BMERB1: variants seen among roughly 807,000 people sequenced by gnomAD.
BMERB1 encodes bMERB domain containing 1.
A neutral mutation model predicts 23.6 loss-of-function variants in BMERB1; 12 were observed. That is an observed-to-expected ratio of 0.51 (90% CI 0.33 to 0.82). The LOEUF is 0.82. Among genes scored for constraint, BMERB1 ranks in the 40% least tolerant of loss-of-function variants. The probability of loss-of-function intolerance (pLI) is 0.03; values close to 1 mark genes in which losing one functional copy is unlikely to be tolerated. For synonymous variants in BMERB1, 122 were observed against 96.6 expected (o/e 1.26, Z -1.54); for missense variants, 247 against 255.4 (o/e 0.97, Z 0.22).
intron 1 of BMERB1, among the ~76,000 whole-genome samples, chr16:15,473,057 G>A (rs1176346822): frequency 6.6e-6 from 1 of 151,746 alleles, no homozygotes; most frequent in East Asian, 1.9e-4. Flanking sequence ...ATGAGGTTTC[G>A]CCATGTTGGC....
At chr16:15,497,916 A>G (rs916634400) in intron 1 of BMERB1, among the ~76,000 whole-genome samples, 4 of 152,152 alleles carry the variant, frequency 2.6e-5, no homozygotes, top group East Asian at 3.9e-4. Context: ...AGAGCACTCA[A>G]TGCATATCTC....
intron 2 of BMERB1, among the ~76,000 whole-genome samples, chr16:15,517,672 C>T (rs1456124989): frequency 1.6e-5 from 2 of 125,346 alleles, no homozygotes; most frequent in African/African-American, 6.8e-5. Flanking sequence ...TTTTATTTAC[C>T]TAATGGTGCT....
At chr16:15,577,683 GTC>G (rs1162462398) in intron 3 of BMERB1, among the ~76,000 whole-genome samples, 2 of 152,182 alleles carry the variant, frequency 1.3e-5, no homozygotes, top group Non-Finnish European at 2.9e-5. Context: ...AGGGTTTTAT[GTC>G]TCTCCTCCCT....
chr16:15,467,148 G>A (rs1358730569), intron 1 of BMERB1, among the ~76,000 whole-genome samples: 1 of 152,138 alleles, frequency 6.6e-6, no homozygotes, highest in East Asian at 1.9e-4. Flanking sequence ...ATGCTGCTAT[G>A]AATACTCTTA....
Position 15,469,019 on chromosome 16 carries a change from G to A in BMERB1, c.106+34260G>A, listed in dbSNP as rs946329225. On this transcript the variant is annotated intron_variant, in intron 1 of 5. Coordinates refer to ENST00000300006, the MANE Select transcript of BMERB1 (RefSeq NM_033201.3). The stretch of plus-strand genomic sequence containing the variant: ...TCCTTGCTGTGTTGCCCAGGCTGGA[G>A]TCCGGTGGTGCAGTCACAGCTCACT... Among the ~76,000 whole-genome samples, 8 of 147,722 alleles carry A rather than the reference G, an allele frequency of 5.4e-5. No homozygotes were observed. In the Admixed American group the frequency reaches 5.5e-4, roughly 10 times the overall value.
chr16:15,520,720 C>G (rs1273453203), intron 2 of BMERB1, among the ~76,000 whole-genome samples: 14 of 152,100 alleles, frequency 9.2e-5, no homozygotes, highest in Admixed American at 9.2e-4. Context: ...ATCTCCTGAC[C>G]TCGTGATCCT....
At chr16:15,479,885 G>A (rs932604360) in intron 1 of BMERB1, among the ~76,000 whole-genome samples, 3 of 151,494 alleles carry the variant, frequency 2.0e-5, no homozygotes, top group Non-Finnish European at 2.9e-5. Flanking sequence ...GATTGAGAAT[G>A]AAGTGAGCCA....
At chr16:15,448,683 T>C (rs942912034) in intron 1 of BMERB1, among the ~76,000 whole-genome samples, 2 of 152,092 alleles carry the variant, frequency 1.3e-5, no homozygotes, top group African/African-American at 4.8e-5. Flanking sequence ...TTCCAGCTAC[T>C]CAGGAGGCTG....
chr16:15,475,423 A>G (rs777730866), intron 1 of BMERB1, among the ~76,000 whole-genome samples: 1 of 152,102 alleles, frequency 6.6e-6, no homozygotes, highest in Non-Finnish European at 1.5e-5. Flanking sequence ...GACTCACAGA[A>G]CTCCCTGAAA....
chr16:15,547,998 A>G (rs889891058), intron 2 of BMERB1, among the ~76,000 whole-genome samples: 1 of 151,966 alleles, frequency 6.6e-6, no homozygotes, highest in African/African-American at 2.4e-5. Flanking sequence ...TAGGGTGTAA[A>G]AGGTGCATGG....
chr16:15,571,163 C>T (rs1051802928), intron 3 of BMERB1, among the ~76,000 whole-genome samples: 3 of 151,712 alleles, frequency 2.0e-5, no homozygotes, highest in East Asian at 1.9e-4. Flanking sequence ...AAGATGGAGT[C>T]ACTGTAGTTC....
At chr16:15,472,512 A>T (rs2051237978) in intron 1 of BMERB1, among the ~76,000 whole-genome samples, 1 of 152,140 alleles carries the variant, frequency 6.6e-6, no homozygotes, top group African/African-American at 2.4e-5. Flanking sequence ...TCTCTCTGGT[A>T]ATTTTCTTTG....
At chr16:15,518,914 C>T (rs1273811876) in intron 2 of BMERB1, among the ~76,000 whole-genome samples, 3 of 152,092 alleles carry the variant, frequency 2.0e-5, no homozygotes, top group Non-Finnish European at 4.4e-5. Flanking sequence ...AAGATAATTC[C>T]TTCAAGTTTA....
intron 2 of BMERB1, among the ~76,000 whole-genome samples, chr16:15,527,985 A>G (rs1328860248): frequency 6.6e-6 from 1 of 152,026 alleles, no homozygotes; most frequent in Non-Finnish European, 1.5e-5. Flanking sequence ...CTCCATCTCC[A>G]TGGCCACCAC....
At chr16:15,506,628 G>T (rs184204737) in intron 1 of BMERB1, among the ~76,000 whole-genome samples, 1 of 151,416 alleles carries the variant, frequency 6.6e-6, no homozygotes, top group Non-Finnish European at 1.5e-5. Context: ...CAACCATCAC[G>T]ATTGCCTAAC....
At chr16:15,442,995 C>A (rs1024673247) in intron 1 of BMERB1, among the ~76,000 whole-genome samples, 1 of 152,184 alleles carries the variant, frequency 6.6e-6, no homozygotes, top group African/African-American at 2.4e-5. Context: ...CACTTGTAAT[C>A]CCAGCACTTT....
chr16:15,522,453 ACG>A (rs1440632019), intron 2 of BMERB1, among the ~76,000 whole-genome samples: 1 of 151,620 alleles, frequency 6.6e-6, no homozygotes, highest in African/African-American at 2.4e-5. Flanking sequence ...ACACACACAC[ACG>A]GAAAGTGTGT....
intron 2 of BMERB1, among the ~76,000 whole-genome samples, chr16:15,520,719 C>T (rs1034226991): frequency 1.3e-5 from 2 of 152,068 alleles, no homozygotes; most frequent in Non-Finnish European, 2.9e-5. Context: ...GATCTCCTGA[C>T]CTCGTGATCC....
intron 1 of BMERB1, among the ~76,000 whole-genome samples, chr16:15,465,750 C>T (rs1286816327): frequency 6.6e-6 from 1 of 152,276 alleles, no homozygotes; most frequent in South Asian, 2.1e-4. Context: ...CCAGAAATGA[C>T]CCTTGTCATG....
Sources: gnomAD v4.1 joint callset for allele counts (sites outside exome capture counted in the v4.1 genomes callset) on GRCh38, gnomAD v4.1.1 for gene constraint, MANE v1.5 for transcripts, NCBI Gene and HGNC (gene_info 2026-07-23, HGNC 2026-07-21) for gene names.